Variants in BACH2 observed in about 807,000 individuals in gnomAD.
BACH2 encodes the protein transcription regulator protein BACH2.
In BACH2, 5 loss-of-function variants were observed where a neutral mutation model predicts 61.8. That is an observed-to-expected ratio of 0.08 (90% CI 0.04 to 0.17). The LOEUF (loss-of-function observed/expected upper bound fraction) is 0.17, where lower values mean the gene tolerates loss of function less well. Among genes scored for constraint, BACH2 ranks in the 10% least tolerant of loss-of-function variants. The pLI is 1.00. For synonymous variants in BACH2, 446 were observed against 440.1 expected, an observed-to-expected ratio of 1.01 and a Z score of -0.17; for missense variants, 824 against 1,091.1, an observed-to-expected ratio of 0.76 and a Z score of 3.45.
chr6:90,160,162 C>G (rs1785140926), intron 4 of BACH2, among the ~76,000 whole-genome samples: 1 of 152,226 alleles, frequency 6.6e-6, no homozygotes, highest in African/African-American at 2.4e-5. Flanking sequence ...TCCATCATCT[C>G]TTAAGGGGAA....
At chr6:90,049,425 G>A (rs1460819258) in intron 5 of BACH2, among the ~76,000 whole-genome samples, 2 of 152,192 alleles carry the variant, frequency 1.3e-5, no homozygotes, top group African/African-American at 4.8e-5. Flanking sequence ...GAAGAAGAGA[G>A]CCACAGGAGG....
At chr6:90,123,140 G>A (rs1783701119) in intron 4 of BACH2, among the ~76,000 whole-genome samples, 1 of 152,158 alleles carries the variant, frequency 6.6e-6, no homozygotes, top group Non-Finnish European at 1.5e-5. Flanking sequence ...GATTACCTGA[G>A]TAGGCCCTAA....
chr6:90,086,465 T>C (rs1781936578), intron 5 of BACH2, among the ~76,000 whole-genome samples: 2 of 152,174 alleles, frequency 1.3e-5, no homozygotes. Context: ...AAGAGCAGTT[T>C]TAGGTTCACA....
At chr6:90,111,612 C>T (rs1182695313) in intron 4 of BACH2, among the ~76,000 whole-genome samples, 1 of 152,196 alleles carries the variant, frequency 6.6e-6, no homozygotes, top group African/African-American at 2.4e-5. Flanking sequence ...AGGTAGGGTT[C>T]TCCTCATTTA....
In BACH2 at chr6:89,960,108, T is replaced by G. The variant is rs1296866075; in HGVS notation, c.244-8246A>C. 2.0e-5 allele frequency among the ~76,000 whole-genome samples: 3 copies of G among 152,174 alleles called. No homozygotes were observed. In the East Asian group the frequency reaches 5.8e-4, roughly 29 times the overall value. On this transcript the variant is annotated intron_variant, in intron 6 of 8. Coordinates refer to ENST00000257749, the MANE Select transcript of BACH2 (RefSeq NM_021813.4). Reference sequence around the variant, plus strand: ...AGGTCCCTTTCATCCCCTCCAGCCCTAGGAGTGGTAGATACTTTCTGCGGT... The same window carrying G: ...AGGTCCCTTTCATCCCCTCCAGCCCGAGGAGTGGTAGATACTTTCTGCGGT...
intron 4 of BACH2, among the ~76,000 whole-genome samples, chr6:90,141,819 G>A (rs1423229244): frequency 1.3e-5 from 2 of 152,058 alleles, no homozygotes; most frequent in African/African-American, 2.4e-5. Flanking sequence ...AGTGGCTCAC[G>A]CCTGTAATCC....
At position 89,930,294 on chromosome 6, in the gene BACH2, A is replaced by G. The variant is rs2128351695; in HGVS notation, c.*2114T>C. 7.2e-6 allele frequency: 1 copy of G among 139,248 alleles called. No individual in the cohort carries two copies. The highest frequency in any genetic ancestry group is 2.2e-4 in the South Asian group (1 of 4,510). The allele number at this position is 139,248 out of a possible 1,614,324, so 8.6% of individuals were successfully genotyped here. A position where few individuals can be genotyped will look rare whatever the true frequency, so the allele number is the denominator to read the frequency against. The stretch of plus-strand genomic sequence containing the variant: ...ACTGACAAATTTCTGGCATTCATAC[A>G]TATTTAAACATTTAGTGCTAATATT... On this transcript the variant is annotated 3_prime_UTR_variant, in exon 9 of 9. Transcript: ENST00000257749.
intron 6 of BACH2, among the ~76,000 whole-genome samples, chr6:89,985,462 G>A (rs182312435): frequency 1.8e-3 from 268 of 152,174 alleles, no homozygotes; most frequent in African/African-American, 6.2e-3. Context: ...GTCCAGTGGG[G>A]GCGGGACACT....
At chr6:90,085,866 T>C (rs1268968586) in intron 5 of BACH2, among the ~76,000 whole-genome samples, 1 of 152,196 alleles carries the variant, frequency 6.6e-6, no homozygotes, top group Non-Finnish European at 1.5e-5. Flanking sequence ...CCATTTTAAG[T>C]GTGCATTTCG....
chr6:90,071,429 C>T (rs1781223567), intron 5 of BACH2, among the ~76,000 whole-genome samples: 1 of 152,228 alleles, frequency 6.6e-6, no homozygotes, highest in Non-Finnish European at 1.5e-5. Context: ...AAGAAGCCTT[C>T]TTGGAGATGA....
At chr6:90,214,751 CTTTTTTTTTTT>C (rs563651580) in intron 3 of BACH2, among the ~76,000 whole-genome samples, 1,374 of 94,316 alleles carry the variant, frequency 0.015, 41 homozygotes, top group African/African-American at 0.054. Context: ...GATTCTGTTC[CTTTTTTTTTTT>C]TTTTTTTTTT....
chr6:90,019,463 C>T (rs537510686), intron 5 of BACH2, among the ~76,000 whole-genome samples: 209 of 152,254 alleles, frequency 1.4e-3, no homozygotes, highest in African/African-American at 4.8e-3. Flanking sequence ...GACAAACTGC[C>T]TAACTGTTTA....
chr6:90,028,558 C>T (rs72923978), intron 5 of BACH2, among the ~76,000 whole-genome samples: 13,704 of 152,096 alleles, frequency 0.09, 649 homozygotes, highest in East Asian at 0.17. Context: ...CTGCCTGCAT[C>T]TGAACCATGA....
At chr6:89,978,633 TAAAA>T (rs753724278) in intron 6 of BACH2, among the ~76,000 whole-genome samples, 19 of 86,056 alleles carry the variant, frequency 2.2e-4, no homozygotes, top group South Asian at 4.6e-4. Context: ...GTGTTGGCTT[TAAAA>T]AAAAAAAAAA....
chr6:90,023,838 C>T (rs770099606), intron 5 of BACH2, among the ~76,000 whole-genome samples: 1 of 152,200 alleles, frequency 6.6e-6, no homozygotes, highest in Non-Finnish European at 1.5e-5. Context: ...CTGGACAATG[C>T]TGGCATCCTG....
rs923108503 is a variant in BACH2, at chr6:90,217,485, A to G, written c.-274-10804T>C. On this transcript the variant is annotated intron_variant, in intron 3 of 8. Coordinates refer to ENST00000257749, the MANE Select transcript of BACH2 (RefSeq NM_021813.4). ...AAATGCAGAATTGAAGAAATGCATC[A>G]TAACAAAGATAATCAGGGTGACTAT... 2.0e-5 allele frequency among the ~76,000 whole-genome samples: 3 copies of G among 152,362 alleles called. No homozygotes were observed. The East Asian group carries it at 5.8e-4, about 29-fold the overall frequency.
intron 2 of BACH2, among the ~76,000 whole-genome samples, chr6:90,267,282 T>C (rs1771368264): frequency 6.6e-6 from 1 of 151,912 alleles, no homozygotes; most frequent in Admixed American, 6.6e-5. Context: ...GCCCCCAAAT[T>C]GAATAGAAAG....
chr6:90,095,461 G>A (rs1012695435), intron 4 of BACH2, among the ~76,000 whole-genome samples: 1 of 152,144 alleles, frequency 6.6e-6, no homozygotes, highest in Non-Finnish European at 1.5e-5. Flanking sequence ...AGCTCTGAAA[G>A]TTTCCACTTC....
intron 2 of BACH2, among the ~76,000 whole-genome samples, chr6:90,259,496 C>T (rs902365940): frequency 6.6e-6 from 1 of 152,144 alleles, no homozygotes; most frequent in Non-Finnish European, 1.5e-5. Context: ...GGGCTTTTTG[C>T]ACCAATATTC....
Sources: gnomAD v4.1 joint callset for allele counts (sites outside exome capture counted in the v4.1 genomes callset) on GRCh38, gnomAD v4.1.1 for gene constraint, MANE v1.5 for transcripts, NCBI Gene and HGNC (gene_info 2026-07-23, HGNC 2026-07-21) for gene names.